ZFHX3: variants seen among roughly 807,000 people sequenced by gnomAD.
ZFHX3 encodes the protein zinc finger homeobox 3.
ZFHX3 carries 42 observed loss-of-function variants against 279.1 expected under a neutral mutation model. The ratio of observed to expected loss-of-function variants is 0.15; its 90% CI spans 0.12 to 0.19. ZFHX3 has a LOEUF of 0.19. Among genes scored for constraint, ZFHX3 ranks in the 10% least tolerant of loss-of-function variants. The pLI is 1.00. For missense variants in ZFHX3, 4,981 were observed against 4,754.0 expected (o/e 1.05, Z -1.40); for synonymous variants, 2,293 against 1,957.8 (o/e 1.17, Z -4.52).
chr16:73,125,181 AG>A (rs1395431086), intron 7 of ZFHX3: 1 of 150,036 alleles, frequency 6.7e-6, no homozygotes, highest in Admixed American at 6.8e-5. Flanking sequence ...TGTGGGTGGC[AG>A]AAGAGGAATT....
In ZFHX3 at chr16:72,786,648, T is replaced by TAAAA. The variant is rs2035388041; in HGVS notation, c.*515_*516insTTTT. 6.6e-6 allele frequency: 1 copy of TAAAA among 151,500 alleles called. No individual in the cohort carries two copies. The highest frequency in any genetic ancestry group is 6.6e-5 in the Admixed American group (1 of 15,200). 9.4% of individuals were successfully genotyped at this position (151,500 alleles called of 1,614,324 possible). A position where few individuals can be genotyped will look rare whatever the true frequency, so the allele number is the denominator to read the frequency against. On this transcript the variant is annotated 3_prime_UTR_variant, in exon 10 of 10. Transcript: ENST00000268489. ...AAACAATGATTCTGAAAACAAAGTG[T>TAAAA]GAGCGATTGACCTGAGAATAAAAAG...
chr16:73,330,233 A>G (rs2015774390), intron 3 of ZFHX3, among the ~76,000 whole-genome samples: 1 of 152,242 alleles, frequency 6.6e-6, no homozygotes, highest in Admixed American at 6.5e-5. Flanking sequence ...CCCAGGTAGT[A>G]GCTAATGACC....
chr16:73,685,617 T>C (rs112992913), intron 1 of ZFHX3, among the ~76,000 whole-genome samples: 3 of 152,224 alleles, frequency 2.0e-5, no homozygotes, highest in African/African-American at 4.8e-5. Context: ...AAGTTTGCGG[T>C]AGCATGCATC....
chr16:72,946,413 C>T (rs1186637504), intron 3 of ZFHX3, among the ~76,000 whole-genome samples: 2 of 152,176 alleles, frequency 1.3e-5, no homozygotes, highest in East Asian at 1.9e-4. Flanking sequence ...AGCTAGAAAC[C>T]GTTTTGAGTA....
chr16:73,122,472 G>C (rs545727276), intron 7 of ZFHX3, among the ~76,000 whole-genome samples: 1 of 151,968 alleles, frequency 6.6e-6, no homozygotes, highest in Non-Finnish European at 1.5e-5. Flanking sequence ...CTCTCAAAAT[G>C]CTGGGATTAC....
intron 1 of ZFHX3, among the ~76,000 whole-genome samples, chr16:73,805,951 G>A (rs187302577): frequency 7.2e-5 from 11 of 152,276 alleles, no homozygotes; most frequent in Admixed American, 2.0e-4. Flanking sequence ...AAAGACAACT[G>A]CGACTGGGTA....
At chr16:72,986,179 A>G (rs1567619450) in intron 1 of ZFHX3, among the ~76,000 whole-genome samples, 1 of 152,076 alleles carries the variant, frequency 6.6e-6, no homozygotes, top group South Asian at 2.1e-4. Flanking sequence ...GATTCTCTAA[A>G]GAACAGACTG....
chr16:73,571,858 CT>C (rs2051740614), intron 2 of ZFHX3, among the ~76,000 whole-genome samples: 1 of 152,020 alleles, frequency 6.6e-6, no homozygotes, highest in African/African-American at 2.4e-5. Flanking sequence ...AACCATAGTA[CT>C]TTTTTTGGCT....
chr16:73,667,028 G>A (rs890573283), intron 2 of ZFHX3, among the ~76,000 whole-genome samples: 3 of 151,840 alleles, frequency 2.0e-5, no homozygotes, highest in East Asian at 1.9e-4. Context: ...GTCTCACTCC[G>A]TCACCCAGGC....
chr16:73,340,541 T>G (rs1173579718), intron 3 of ZFHX3, among the ~76,000 whole-genome samples: 1 of 152,158 alleles, frequency 6.6e-6, no homozygotes, highest in Non-Finnish European at 1.5e-5. Context: ...TTTTTGTGTG[T>G]GTGTTTTTTG....
intron 5 of ZFHX3, among the ~76,000 whole-genome samples, chr16:73,179,209 T>C (rs1470161604): frequency 2.0e-5 from 3 of 152,238 alleles, no homozygotes; most frequent in Non-Finnish European, 4.4e-5. Flanking sequence ...CATTGATTTT[T>C]ACCATTTTAA....
rs542111624 is a variant in ZFHX3, at chr16:73,278,549, C to A, written c.-1193-21413G>T. On this transcript the variant is annotated intron_variant, in intron 4 of 17. Coordinates refer to the ZFHX3 transcript ENST00000641206. ...TATTGTGAAGAGCAAAAGAACAAAG[C>A]TTCCACACTGTGTAAGGGGACCTGA... Among the ~76,000 whole-genome samples, 96 of 152,330 alleles carry A rather than the reference C, an allele frequency of 6.3e-4. 1 individual carries two copies. In the South Asian group the frequency reaches 0.019, roughly 30 times the overall value.
At chr16:73,360,537 C>G (rs548728413) in intron 3 of ZFHX3, among the ~76,000 whole-genome samples, 28 of 152,280 alleles carry the variant, frequency 1.8e-4, no homozygotes, top group African/African-American at 6.7e-4. Context: ...CAGGGTTTCG[C>G]CATGTTGGCC....
intron 4 of ZFHX3, among the ~76,000 whole-genome samples, chr16:72,881,722 G>A (rs1022160842): frequency 2.0e-5 from 3 of 152,182 alleles, no homozygotes; most frequent in African/African-American, 7.2e-5. Flanking sequence ...CATGGCAGGA[G>A]ACAGCAGAGG....
rs116970997 is a variant in ZFHX3 at position 73,276,168 on chromosome 16, T to C, written c.-1193-19032A>G. ...GGAGGGGCTGTATTTCTTTTCTTCC[T>C]TTTTCTTTCTTTTTTTTTTTTTTTT... On this transcript the variant is annotated intron_variant, in intron 4 of 17. Coordinates refer to the ZFHX3 transcript ENST00000641206. Among the ~76,000 whole-genome samples the C allele has an allele frequency of 6.3e-3, 928 of 147,858 alleles. 20 individuals carry two copies. Among genetic ancestry groups the C allele is most frequent in the Admixed American group, 0.039 (577 of 14,774 alleles).
chr16:73,614,700 T>C (rs2052281328), intron 2 of ZFHX3, among the ~76,000 whole-genome samples: 1 of 152,144 alleles, frequency 6.6e-6, no homozygotes. Flanking sequence ...CCTTTATGAA[T>C]AGAAAGTGTG....
At chr16:73,685,027 T>A (rs1347506981) in intron 1 of ZFHX3, among the ~76,000 whole-genome samples, 14 of 141,492 alleles carry the variant, frequency 9.9e-5, no homozygotes, top group Admixed American at 1.4e-4. Flanking sequence ...TTATTATTAT[T>A]TTTTTTGAGA....
intron 2 of ZFHX3, among the ~76,000 whole-genome samples, chr16:73,659,109 A>T (rs1000395207): frequency 6.6e-6 from 1 of 152,188 alleles, no homozygotes; most frequent in Admixed American, 6.5e-5. Flanking sequence ...TTGCTGAGAA[A>T]ATCTACCGAA....
intron 2 of ZFHX3, among the ~76,000 whole-genome samples, chr16:73,624,251 T>G (rs2052394956): frequency 6.6e-6 from 1 of 152,078 alleles, no homozygotes; most frequent in Non-Finnish European, 1.5e-5. Flanking sequence ...AAAGGAAAAA[T>G]ACAAAGAAGG....
Sources: gnomAD v4.1 joint callset for allele counts (sites outside exome capture counted in the v4.1 genomes callset) on GRCh38, gnomAD v4.1.1 for gene constraint, MANE v1.5 for transcripts, NCBI Gene and HGNC (gene_info 2026-07-23, HGNC 2026-07-21) for gene names.